The following AIM2 variants were observed in gnomAD, a reference collection of about 807,000 sequenced individuals.
The protein encoded by AIM2 is interferon-inducible protein AIM2.
Under a neutral mutation model 27.7 loss-of-function variants are expected in AIM2, and 30 were observed. That is an observed-to-expected ratio of 1.08 (90% CI 0.81 to 1.47). The LOEUF (loss-of-function observed/expected upper bound fraction) is 1.47, where lower values mean the gene tolerates loss of function less well. Ranked by LOEUF, AIM2 falls within the 40% of genes most tolerant of loss-of-function variation. AIM2 has a pLI of 0.00. For missense variants in AIM2, 358 were observed against 411.3 expected, an observed-to-expected ratio of 0.87 and a Z score of 1.12; for synonymous variants, 141 against 145.3, an observed-to-expected ratio of 0.97 and a Z score of 0.21.
rs151261597 is a variant in AIM2 at position 159,134,559 on chromosome 1, C to T, written c.-16+5872G>A. The stretch of plus-strand genomic sequence containing the variant: ...TTACAGTCCTTCATCCGGCCGAGTG[C>T]GGTGGCTCACACCTGTAATCCCATC... On this transcript the variant is annotated intron_variant, in intron 1 of 2. Transcript: ENST00000368129. Among the ~76,000 whole-genome samples, 170 of 152,302 alleles carry T rather than the reference C, an allele frequency of 1.1e-3. No individual in the cohort carries two copies. In the East Asian group the frequency reaches 0.028, roughly 25 times the overall value.
intron 1 of AIM2, among the ~76,000 whole-genome samples, chr1:159,113,400 C>A (rs529126717): frequency 5.9e-5 from 9 of 152,342 alleles, no homozygotes; most frequent in Non-Finnish European, 1.2e-4. Flanking sequence ...GAGACCAACA[C>A]ACCTAGAAAG....
Position 159,063,712 on chromosome 1 carries a change from G to T in AIM2, c.817-38C>A, listed in dbSNP as rs143808884. Reference sequence around the variant, plus strand: ...ATCAACACCCAGCCTCTGATAATCGGATTAATGAATGCCGCATCAGTCACA... The same window carrying T: ...ATCAACACCCAGCCTCTGATAATCGTATTAATGAATGCCGCATCAGTCACA... On this transcript the variant is annotated intron_variant, in intron 4 of 5. Coordinates refer to ENST00000368130, the MANE Select transcript of AIM2 (RefSeq NM_004833.3). 2.5e-3 allele frequency: 3,916 copies of T among 1,586,680 alleles called. 181 individuals carry two copies. In the Admixed American group the frequency reaches 0.065, roughly 26 times the overall value.
At chr1:159,122,994 A>G (rs1557912747) in intron 1 of AIM2, among the ~76,000 whole-genome samples, 1 of 152,164 alleles carries the variant, frequency 6.6e-6, no homozygotes, top group Non-Finnish European at 1.5e-5. Context: ...GTCTCCATGA[A>G]AACGATTTAG....
chr1:159,115,704 T>G (rs1222242721), intron 1 of AIM2, among the ~76,000 whole-genome samples: 1 of 152,182 alleles, frequency 6.6e-6, no homozygotes, highest in Non-Finnish European at 1.5e-5. Flanking sequence ...AAGACTTAAA[T>G]GTTAGACCTA....
Position 159,066,020 on chromosome 1 carries a change from C to T in AIM2, c.706G>A (p.Val236Ile). The T allele has an allele frequency of 6.2e-7, 1 of 1,614,144 alleles. No homozygotes were observed. ...RVLDAESDQK[V>I]NVPLNIIRKA... ...CTGATAATGTTCAGCGGGACATTAACCTTTTGGTCAGATTCAGCATCTAAC... is the reference window on the plus strand; with the variant it reads ...CTGATAATGTTCAGCGGGACATTAATCTTTTGGTCAGATTCAGCATCTAAC... The change falls in exon 4 of 6, where the codon GTT becomes ATT. Residue 236 changes from valine (V) to isoleucine (I), a missense_variant. Val to Ile is a conservative substitution (Grantham distance 29). Transcript: ENST00000368130.
rs544581753 is a variant in AIM2 at position 159,106,984 on chromosome 1, C to G, written c.-16+33447G>C. On this transcript the variant is annotated intron_variant, in intron 1 of 2. Transcript: ENST00000368129. ...AACCATTACTGCAGGACTAGCTTTC[C>G]TCCTGGACAAAACATATAGATGCTT... 5.9e-3 allele frequency among the ~76,000 whole-genome samples: 899 copies of G among 152,294 alleles called. 4 individuals carry two copies. Among genetic ancestry groups the G allele is most frequent in the Non-Finnish European group, 8.3e-3 (568 of 68,026 alleles).
intron 1 of AIM2, among the ~76,000 whole-genome samples, chr1:159,123,283 C>T (rs1469674030): frequency 6.6e-6 from 1 of 152,152 alleles, no homozygotes; most frequent in East Asian, 1.9e-4. Context: ...AATTGCTTTC[C>T]TAAAGTCACA....
At chr1:159,130,523 T>TTA (rs1647840639) in intron 1 of AIM2, among the ~76,000 whole-genome samples, 3 of 152,276 alleles carry the variant, frequency 2.0e-5, no homozygotes, top group Middle Eastern at 6.8e-3. Context: ...CATTCACTCA[T>TTA]TTGCTCAAGC....
At chr1:159,092,739 A>C (rs1251929963) in intron 1 of AIM2, among the ~76,000 whole-genome samples, 2 of 152,174 alleles carry the variant, frequency 1.3e-5, no homozygotes, top group African/African-American at 4.8e-5. Flanking sequence ...ATTTGATCCC[A>C]GGGGCTGGAC....
At chr1:159,122,939 T>A (rs898412669) in intron 1 of AIM2, among the ~76,000 whole-genome samples, 1 of 152,164 alleles carries the variant, frequency 6.6e-6, no homozygotes, top group African/African-American at 2.4e-5. Context: ...AACATTTGCA[T>A]CTTAATGTTC....
chr1:159,112,459 T>C (rs189951809), intron 1 of AIM2, among the ~76,000 whole-genome samples: 46 of 152,260 alleles, frequency 3.0e-4, no homozygotes, highest in African/African-American at 8.4e-4. Flanking sequence ...AAGGAATAAA[T>C]TGACAAATCC....
chr1:159,075,630 A>T (rs1324893171), intron 1 of AIM2, among the ~76,000 whole-genome samples: 1 of 151,872 alleles, frequency 6.6e-6, no homozygotes, highest in Non-Finnish European at 1.5e-5. Context: ...AGAGAGAGAG[A>T]GAGAGCTAAT....
At chr1:159,142,041 G>T (rs1007831506), upstream of AIM2, among the ~76,000 whole-genome samples, 1 of 152,066 alleles carries the variant, frequency 6.6e-6, no homozygotes, top group Non-Finnish European at 1.5e-5. Context: ...TGCAGAAAAC[G>T]CAGAAGCCAT....
In AIM2 at chr1:159,063,610, A is replaced by G. The variant is rs1334898766; in HGVS notation, c.881T>C (p.Leu294Pro). The G allele has an allele frequency of 6.2e-7, 1 of 1,614,004 alleles. No individual in the cohort carries two copies. Reference protein sequence around the residue: ...LSDNTGKMEVLGVRNEDTMKC... With the variant: ...LSDNTGKMEVPGVRNEDTMKC... ...CATTGTGTCCTCGTTTCTAACCCCC[A>G]GTACTTCCATTTTCCCAGTGTTGTC... Residue 294 changes from leucine (L) to proline (P), a missense_variant, in exon 5 of 6, where the codon CTG becomes CCG. By Grantham distance (98) the Leu-to-Pro change is moderately conservative. Coordinates refer to ENST00000368130, the MANE Select transcript of AIM2 (RefSeq NM_004833.3).
chr1:159,055,626 C>T, the AIM2 span, among the ~76,000 whole-genome samples: 8 of 152,164 alleles, frequency 5.3e-5, no homozygotes, highest in African/African-American at 1.2e-4. Context: ...TCCCTGTTCT[C>T]GCAATCCACT....
At chr1:159,091,587 TATCCTGATC>T (rs2102009277) in intron 1 of AIM2, among the ~76,000 whole-genome samples, 1 of 152,362 alleles carries the variant, frequency 6.6e-6, no homozygotes, top group East Asian at 1.9e-4. Flanking sequence ...ATCGTTACAT[TATCCTGATC>T]ATCTCTTGTG....
chr1:159,077,189 C>T (rs184579859), upstream of AIM2, among the ~76,000 whole-genome samples: 1 of 152,100 alleles, frequency 6.6e-6, no homozygotes, highest in Non-Finnish European at 1.5e-5. Flanking sequence ...CCAACGACAC[C>T]CTCAAGGGAG....
chr1:159,061,797 G>A (rs1463225196), downstream of AIM2, among the ~76,000 whole-genome samples: 3 of 152,096 alleles, frequency 2.0e-5, no homozygotes, highest in East Asian at 5.8e-4. Context: ...ACCTTTTGAA[G>A]AACAGAAGTT....
chr1:159,112,941 A>G (rs963108933), intron 1 of AIM2, among the ~76,000 whole-genome samples: 1 of 150,342 alleles, frequency 6.7e-6, no homozygotes, highest in African/African-American at 2.4e-5. Context: ...ATACATATAT[A>G]TATATATATA....
Sources: allele counts gnomAD v4.1 joint callset (sites outside exome capture counted in the v4.1 genomes callset), GRCh38; gene constraint gnomAD v4.1.1; transcripts MANE v1.5; gene names NCBI Gene and HGNC (gene_info 2026-07-23, HGNC 2026-07-21).